SNTG2: variants seen among roughly 807,000 people sequenced by gnomAD.
SNTG2 encodes gamma-2-syntrophin.
In SNTG2, 74 loss-of-function variants were observed where a neutral mutation model predicts 70.9. The observed-to-expected ratio is 1.04, with a 90% confidence interval of 0.86 to 1.27. The LOEUF is 1.27. SNTG2 is among the 50% of genes most tolerant of loss of function. The pLI, the probability that SNTG2 is intolerant of heterozygous loss-of-function variation, is 0.00. For synonymous variants in SNTG2, 278 were observed against 273.8 expected (o/e 1.02, Z -0.15); for missense variants, 717 against 690.7 (o/e 1.04, Z -0.43).
intron 8 of SNTG2, among the ~76,000 whole-genome samples, chr2:1,188,172 TACATTC>T: frequency 1.3e-5 from 2 of 152,322 alleles, no homozygotes; most frequent in East Asian, 3.9e-4. Context: ...GGATGTAAAG[TACATTC>T]TGAAGTGCTC....
chr2:1,152,566 G>T lies in SNTG2; in HGVS notation c.412-12982G>T, dbSNP rs530020024. ...TGCACACACGTATGTTTCTAGGTGT[G>T]CACATGTGCATGTGTGTGTGTGCAC... On this transcript the variant is annotated intron_variant, in intron 6 of 16. Transcript: ENST00000308624. Among the ~76,000 whole-genome samples, 102 of 64,008 alleles carry T rather than the reference G, an allele frequency of 1.6e-3. 1 individual carries two copies. The highest frequency in any genetic ancestry group is 9.4e-3 in the Middle Eastern group (1 of 106). The allele number at this position is 64,008 out of a possible 152,430, so 42.0% of individuals were successfully genotyped here.
chr2:1,270,305 G>T (rs1019348232), intron 14 of SNTG2, among the ~76,000 whole-genome samples: 1 of 152,034 alleles, frequency 6.6e-6, no homozygotes, highest in East Asian at 1.9e-4. Context: ...TACATAAACT[G>T]TAAATTATTA....
At chr2:1,144,786 C>T (rs7584432) in intron 6 of SNTG2, among the ~76,000 whole-genome samples, 57,190 of 151,970 alleles carry the variant, frequency 0.38, 11,580 homozygotes, top group East Asian at 0.83. Flanking sequence ...CACCAGGTCC[C>T]TCCCGTAACA....
chr2:1,141,947 C>T (rs561865361), intron 6 of SNTG2, among the ~76,000 whole-genome samples: 1 of 64,084 alleles, frequency 1.6e-5, no homozygotes, highest in Non-Finnish European at 3.0e-5. Context: ...GCCCCAGAGC[C>T]AGGGTCCAGC....
intron 5 of SNTG2, 28 bp from the exon 6 acceptor site, chr2:1,137,740 C>T (rs777698693): frequency 6.2e-6 from 10 of 1,613,520 alleles, no homozygotes; most frequent in Admixed American, 3.3e-5. Flanking sequence ...TCGTTATTCT[C>T]AACATTCTTA....
chr2:1,246,226 C>T (rs1209085562), intron 11 of SNTG2, among the ~76,000 whole-genome samples: 8 of 152,228 alleles, frequency 5.3e-5, no homozygotes, highest in Non-Finnish European at 8.8e-5. Flanking sequence ...TACGCGTCCC[C>T]GCCCTACAAG....
chr2:1,364,598 A>AT (rs1661375679), intron 16 of SNTG2, among the ~76,000 whole-genome samples: 4 of 72,940 alleles, frequency 5.5e-5, no homozygotes, highest in African/African-American at 1.6e-4. Context: ...CACTAAAAAT[A>AT]CAAAAAAAAA....
At chr2:1,081,586 C>T (rs1160341770) in intron 1 of SNTG2, among the ~76,000 whole-genome samples, 1 of 152,238 alleles carries the variant, frequency 6.6e-6, no homozygotes, top group Non-Finnish European at 1.5e-5. Context: ...CCAGCCACAC[C>T]CCATGCACCT....
intron 9 of SNTG2, among the ~76,000 whole-genome samples, chr2:1,224,816 C>T (rs1021133248): frequency 5.3e-5 from 8 of 152,282 alleles, no homozygotes; most frequent in East Asian, 3.9e-4. Context: ...TCATTTCAGA[C>T]GCAGCGTTTC....
In SNTG2 at chr2:983,339, A is replaced by AGTCGGGATGAAGAAGTTGCAGAGGTGGAG. The variant is rs1161725430; in HGVS notation, c.72+32284_72+32312dup. Among the ~76,000 whole-genome samples the AGTCGGGATGAAGAAGTTGCAGAGGTGGAG allele has an allele frequency of 1.1e-3, 101 of 95,122 alleles. 1 individual carries two copies. Among genetic ancestry groups the AGTCGGGATGAAGAAGTTGCAGAGGTGGAG allele is most frequent in the Non-Finnish European group, 1.8e-3 (75 of 42,146 alleles). The allele number at this position is 95,122 out of a possible 152,430, so 62.4% of individuals were successfully genotyped here. On this transcript the variant is annotated intron_variant, in intron 1 of 16. Transcript: ENST00000308624. ...AGGATGAAGAAGCTGCAGAGGTGGA[A>AGTCGGGATGAAGAAGTTGCAGAGGTGGAG]GTCGGGATGAAGAAGTTGCAGAGGT...
At chr2:1,146,163 A>G (rs771980661) in intron 6 of SNTG2, among the ~76,000 whole-genome samples, 7 of 152,188 alleles carry the variant, frequency 4.6e-5, no homozygotes, top group Non-Finnish European at 8.8e-5. Context: ...GTCTCTTCTC[A>G]TCAGTTCTTT....
intron 1 of SNTG2, among the ~76,000 whole-genome samples, chr2:1,014,104 ATGGGC>A (rs1468164231): frequency 1.5e-4 from 2 of 13,552 alleles, no homozygotes; most frequent in Non-Finnish European, 2.9e-4. Context: ...AGGGATTTAT[ATGGGC>A]AGAGAGAAGG....
chr2:1,293,699 C>CA (rs368970009), intron 14 of SNTG2, among the ~76,000 whole-genome samples: 3,505 of 147,292 alleles, frequency 0.024, 134 homozygotes, highest in African/African-American at 0.081. Flanking sequence ...CCAATAAGTT[C>CA]AAAAAAAAAA....
intron 1 of SNTG2, among the ~76,000 whole-genome samples, chr2:1,035,082 A>G (rs1469159489): frequency 6.6e-6 from 1 of 152,240 alleles, no homozygotes; most frequent in Admixed American, 6.5e-5. Context: ...ATGCAATTAC[A>G]TGGAAATTAA....
intron 1 of SNTG2, among the ~76,000 whole-genome samples, chr2:1,030,873 G>A (rs904534340): frequency 6.6e-6 from 1 of 152,098 alleles, no homozygotes; most frequent in Non-Finnish European, 1.5e-5. Flanking sequence ...ATGACTATTC[G>A]TGTGACCCCA....
chr2:1,062,158 G>GA (rs1429763888), intron 1 of SNTG2, among the ~76,000 whole-genome samples: 1 of 152,118 alleles, frequency 6.6e-6, no homozygotes, highest in African/African-American at 2.4e-5. Flanking sequence ...GCACTCACTG[G>GA]AATTATATAA....
intron 15 of SNTG2, among the ~76,000 whole-genome samples, chr2:1,309,918 G>A (rs1572959865): frequency 6.6e-6 from 1 of 152,188 alleles, no homozygotes; most frequent in Admixed American, 6.5e-5. Flanking sequence ...GGACCTGCTG[G>A]TTCCAGTCTA....
At chr2:1,349,155 G>A (rs1660450255) in intron 16 of SNTG2, among the ~76,000 whole-genome samples, 1 of 152,216 alleles carries the variant, frequency 6.6e-6, no homozygotes, top group Non-Finnish European at 1.5e-5. Flanking sequence ...GAAACCACAG[G>A]GGTGATAGGG....
chr2:1,095,975 T>C (rs1443080268), intron 2 of SNTG2, among the ~76,000 whole-genome samples: 2 of 152,172 alleles, frequency 1.3e-5, no homozygotes, highest in African/African-American at 4.8e-5. Context: ...CAGTTGGCCA[T>C]GAACACTACA....
Sources: gnomAD v4.1 joint callset for allele counts (sites outside exome capture counted in the v4.1 genomes callset) on GRCh38, gnomAD v4.1.1 for gene constraint, MANE v1.5 for transcripts, NCBI Gene and HGNC (gene_info 2026-07-23, HGNC 2026-07-21) for gene names.